Variants in DNAH9 observed in about 807,000 individuals in gnomAD.
DNAH9 encodes the protein DNAH9 variant protein.
DNAH9 carries 345 observed loss-of-function variants against 471.6 expected under a neutral mutation model. The observed-to-expected ratio is 0.73, with a 90% CI of 0.67 to 0.80. DNAH9 has a LOEUF of 0.80. Ranked by LOEUF, DNAH9 falls within the 30% of genes least tolerant of loss-of-function variation. The pLI, the probability that DNAH9 is intolerant of heterozygous loss-of-function variation, is 0.00. For missense variants in DNAH9, 5,407 were observed against 5,609.2 expected, an observed-to-expected ratio of 0.96 and a Z score of 1.15; for synonymous variants, 2,093 against 2,123.6, an observed-to-expected ratio of 0.99 and a Z score of 0.40.
At chr17:11,827,457 G>T (rs1040820475) in intron 48 of DNAH9, among the ~76,000 whole-genome samples, 1 of 152,084 alleles carries the variant, frequency 6.6e-6, no homozygotes, top group Admixed American at 6.5e-5. Context: ...TGGGGAGGAG[G>T]TGCCACACAC....
At chr17:11,605,180 A>G (rs1175303477) in intron 1 of DNAH9, among the ~76,000 whole-genome samples, 1 of 151,594 alleles carries the variant, frequency 6.6e-6, no homozygotes, top group Non-Finnish European at 1.5e-5. Context: ...TCTGCAAAGC[A>G]CTCCCCCTAT....
intron 53 of DNAH9, among the ~76,000 whole-genome samples, chr17:11,878,204 G>A (rs1243482643): frequency 1.3e-5 from 2 of 151,514 alleles, no homozygotes; most frequent in Non-Finnish European, 2.9e-5. Context: ...ACTGCCGAAT[G>A]CATTGTAGGC....
At chr17:11,901,903 A>C (rs1413950200) in intron 59 of DNAH9, among the ~76,000 whole-genome samples, 1 of 152,234 alleles carries the variant, frequency 6.6e-6, no homozygotes, top group Non-Finnish European at 1.5e-5. Flanking sequence ...TGGGAGGTCT[A>C]CATGTTCTAC....
At chr17:11,734,129 A>G (rs1339346736) in intron 28 of DNAH9, among the ~76,000 whole-genome samples, 1 of 152,130 alleles carries the variant, frequency 6.6e-6, no homozygotes, top group Non-Finnish European at 1.5e-5. Flanking sequence ...GCCCCACGCT[A>G]TTCAAACTGT....
intron 29 of DNAH9, among the ~76,000 whole-genome samples, chr17:11,740,885 A>AT (rs35498458): frequency 1.4e-4 from 22 of 152,050 alleles, no homozygotes; most frequent in African/African-American, 2.9e-4. Context: ...ACCATTTGGC[A>AT]TTTTTTTTCC....
intron 50 of DNAH9, among the ~76,000 whole-genome samples, chr17:11,867,610 T>C (rs1264081697): frequency 6.6e-6 from 1 of 152,242 alleles, no homozygotes; most frequent in African/African-American, 2.4e-5. Context: ...TTCTGCCTCT[T>C]CTTCCTAGGT....
At chr17:11,719,303 A>C (rs759024719) in intron 26 of DNAH9, 31 bp from the exon 27 acceptor site, 4 of 1,608,812 alleles carry the variant, frequency 2.5e-6, no homozygotes, top group Non-Finnish European at 3.4e-6. Context: ...GCCCCCAAGA[A>C]TGATGACCTA....
At chr17:11,875,317 G>A (rs1002320751) in intron 53 of DNAH9, 133 bp downstream of exon 53, 25 of 703,376 alleles carry the variant, frequency 3.6e-5, no homozygotes, top group Non-Finnish European at 5.6e-5. Flanking sequence ...ACGTTTCTCC[G>A]TCCATTTTAG....
chr17:11,845,093 G>A (rs1971173114), intron 49 of DNAH9, among the ~76,000 whole-genome samples: 1 of 150,950 alleles, frequency 6.6e-6, no homozygotes. Flanking sequence ...CCATGCTGGT[G>A]TGCTGTACCC....
At chr17:11,732,744 G>C (rs1238079232) in intron 28 of DNAH9, among the ~76,000 whole-genome samples, 2 of 152,234 alleles carry the variant, frequency 1.3e-5, no homozygotes, top group Non-Finnish European at 2.9e-5. Context: ...TCTATGCTTT[G>C]GGTTATCTGC....
intron 58 of DNAH9, among the ~76,000 whole-genome samples, chr17:11,893,188 A>G (rs1973109663): frequency 6.6e-6 from 1 of 151,258 alleles, no homozygotes; most frequent in African/African-American, 2.4e-5. Context: ...CAAAAAAAAA[A>G]AAAAAAATGT....
chr17:11,696,777 T>C (rs1488963846), intron 22 of DNAH9, among the ~76,000 whole-genome samples: 1 of 152,262 alleles, frequency 6.6e-6, no homozygotes, highest in Admixed American at 6.5e-5. Flanking sequence ...ATATTTATTA[T>C]TAATGCATTA....
At chr17:11,647,036 G>T in intron 11 of DNAH9, 36 bp from the exon 12 acceptor site, 1 of 1,609,882 alleles carries the variant, frequency 6.2e-7, no homozygotes, top group African/African-American at 1.3e-5. Flanking sequence ...GCTGGGAGGG[G>T]GCTTATGAGG....
intron 6 of DNAH9, among the ~76,000 whole-genome samples, chr17:11,627,769 A>G (rs2072995643): frequency 1.3e-5 from 2 of 152,152 alleles, no homozygotes; most frequent in Admixed American, 6.5e-5. Context: ...ATGCCCAAAC[A>G]TACATAGCTG....
chr17:11,903,354 A>T (rs955338726), intron 60 of DNAH9, among the ~76,000 whole-genome samples: 18 of 137,630 alleles, frequency 1.3e-4, no homozygotes, highest in Non-Finnish European at 2.3e-4. Flanking sequence ...AGTAAAAAAT[A>T]AAAAAAAAAA....
intron 11 of DNAH9, among the ~76,000 whole-genome samples, chr17:11,644,907 C>T (rs1244738541): frequency 1.3e-5 from 2 of 152,178 alleles, no homozygotes; most frequent in Non-Finnish European, 2.9e-5. Context: ...GAAATAAATA[C>T]TTTTCCAGTG....
In DNAH9 at chr17:11,875,050, G is replaced by A. The variant is rs1490475280; in HGVS notation, c.10344G>A (p.Met3448Ile). 6.2e-7 allele frequency: 1 copy of A among 1,614,148 alleles called. No individual in the cohort carries two copies. The highest frequency in any genetic ancestry group is 8.5e-7 in the Non-Finnish European group (1 of 1,180,014). Reference protein sequence around the residue: ...WQNEGLPADRMSVENATILIN... With the variant: ...WQNEGLPADRISVENATILIN... ...ACGAGGGCCTCCCAGCCGACCGCATGTCCGTGGAGAATGCCACCATTCTCA... is the reference window on the plus strand; with the variant it reads ...ACGAGGGCCTCCCAGCCGACCGCATATCCGTGGAGAATGCCACCATTCTCA... The change falls in exon 53 of 69, where the codon ATG (methionine) becomes ATA (isoleucine). Residue 3448 changes from methionine (M) to isoleucine (I), a missense_variant. Physicochemically the swap from Met to Ile is conservative, Grantham distance 10. Around this residue, in one of 3 missense-constraint regions of DNAH9, gnomAD observed 4,636 missense variants for 4,900.3 expected, o/e 0.95. Coordinates refer to ENST00000262442, the MANE Select transcript of DNAH9 (RefSeq NM_001372.4).
intron 51 of DNAH9, 71 bp from the exon 52 acceptor site, chr17:11,871,527 A>T (rs1004221004): frequency 1.1e-5 from 16 of 1,428,504 alleles, no homozygotes; most frequent in Non-Finnish European, 1.5e-5. Context: ...GGCGCTCTCC[A>T]TGATGGAATC....
chr17:11,956,268 T>C (rs1460704341), intron 67 of DNAH9, among the ~76,000 whole-genome samples: 1 of 152,180 alleles, frequency 6.6e-6, no homozygotes, highest in Non-Finnish European at 1.5e-5. Context: ...TATTATATAA[T>C]AAGTCAATTT....
Sources: gnomAD v4.1 joint callset for allele counts (sites outside exome capture counted in the v4.1 genomes callset) on GRCh38, gnomAD v4.1.1 for gene constraint, gnomAD v4.1.1 regional missense constraint, MANE v1.5 for transcripts, NCBI Gene and HGNC (gene_info 2026-07-23, HGNC 2026-07-21) for gene names.